TENM2: variants seen among roughly 807,000 people sequenced by gnomAD.
TENM2 encodes the protein teneurin transmembrane protein 2.
A neutral mutation model predicts 245.2 loss-of-function variants in TENM2; 52 were observed. The ratio of observed to expected loss-of-function variants is 0.21; its 90% CI spans 0.17 to 0.27. The LOEUF is 0.27. Ranked by LOEUF, TENM2 falls within the 10% of genes least tolerant of loss-of-function variation. The pLI is 1.00. For synonymous variants in TENM2, 1,363 were observed against 1,438.9 expected, an observed-to-expected ratio of 0.95 and a Z score of 1.19; for missense variants, 3,046 against 3,666.8, an observed-to-expected ratio of 0.83 and a Z score of 4.37.
intron 3 of TENM2, among the ~76,000 whole-genome samples, chr5:167,943,030 A>G (rs1055764688): frequency 6.6e-6 from 1 of 152,218 alleles, no homozygotes; most frequent in Non-Finnish European, 1.5e-5. Context: ...CCATGACATC[A>G]GCTGTTACTT....
chr5:168,253,427 T>A (rs868312216), intron 27 of TENM2, among the ~76,000 whole-genome samples: 9 of 134,868 alleles, frequency 6.7e-5, no homozygotes, highest in African/African-American at 1.6e-4. Flanking sequence ...ATTCATTATT[T>A]TATTTTTTTT....
intron 2 of TENM2, among the ~76,000 whole-genome samples, chr5:167,806,908 C>G (rs1290825193): frequency 6.6e-6 from 1 of 151,738 alleles, no homozygotes; most frequent in Non-Finnish European, 1.5e-5. Context: ...CAGTGTGTGA[C>G]AGTACACACA....
chr5:168,074,842 G>A (rs772976846), intron 7 of TENM2, among the ~76,000 whole-genome samples: 3 of 152,256 alleles, frequency 2.0e-5, no homozygotes, highest in East Asian at 1.9e-4. Context: ...CCTGACAAGC[G>A]AATCTACAAC....
the TENM2 span, among the ~76,000 whole-genome samples, chr5:167,019,087 TCTTTA>T: frequency 6.6e-6 from 1 of 152,208 alleles, no homozygotes; most frequent in African/African-American, 2.4e-5. Flanking sequence ...CTCATTCATC[TCTTTA>T]CTTTGATTTA....
At chr5:167,868,739 A>G (rs1355048447) in intron 2 of TENM2, among the ~76,000 whole-genome samples, 1 of 133,900 alleles carries the variant, frequency 7.5e-6, no homozygotes, top group African/African-American at 3.9e-5. Context: ...TTCTGTCTAA[A>G]AAAAAAAAAA....
the TENM2 span, among the ~76,000 whole-genome samples, chr5:167,231,367 G>A: frequency 0.21 from 31,700 of 152,106 alleles, 3,876 homozygotes; most frequent in African/African-American, 0.34. Flanking sequence ...CAAAATGCTG[G>A]TAGTGATATG....
chr5:167,065,289 G>T, the TENM2 span, among the ~76,000 whole-genome samples: 2 of 152,216 alleles, frequency 1.3e-5, no homozygotes, highest in East Asian at 3.9e-4. Flanking sequence ...TCTATTTAAT[G>T]ATTGTACTTT....
intron 27 of TENM2, among the ~76,000 whole-genome samples, chr5:168,258,400 C>T (rs1464845788): frequency 6.6e-6 from 1 of 152,030 alleles, no homozygotes. Context: ...ACTCGGGAGG[C>T]TGAGGCAAGG....
At chr5:167,973,055 C>T (rs1238941335) in intron 4 of TENM2, among the ~76,000 whole-genome samples, 2 of 152,194 alleles carry the variant, frequency 1.3e-5, no homozygotes, top group African/African-American at 2.4e-5. Context: ...TTCTCCTCAT[C>T]CACCTTGCCT....
chr5:167,873,374 C>A (rs1026010713), intron 2 of TENM2, among the ~76,000 whole-genome samples: 2 of 151,872 alleles, frequency 1.3e-5, no homozygotes, highest in African/African-American at 4.8e-5. Flanking sequence ...CCCTTTTTTT[C>A]TCACCATTCT....
At chr5:167,731,670 G>A (rs1448633847) in intron 2 of TENM2, among the ~76,000 whole-genome samples, 1 of 147,570 alleles carries the variant, frequency 6.8e-6, no homozygotes, top group African/African-American at 2.5e-5. Flanking sequence ...GACTCTGGGT[G>A]GTCACTAAAG....
At chr5:167,187,741 G>T in the TENM2 span, among the ~76,000 whole-genome samples, 1 of 152,070 alleles carries the variant, frequency 6.6e-6, no homozygotes, top group Non-Finnish European at 1.5e-5. Context: ...AGCAGCAGTG[G>T]ATTTCTCATT....
chr5:168,218,529 A>G lies in TENM2; in HGVS notation c.4638A>G (p.Pro1546=). ...CGACTGATGCCATCTTGAATTCCCC[A>G]TCATCCTTAGCTGTAGCTCCAGATG... Residue 1546 remains proline (P), a synonymous_variant, in exon 23 of 29, where the codon CCA becomes CCG. Transcript: ENST00000518659. This position sits in a 1 kb window ranked among gnomAD's most constrained non-coding sequence, Gnocchi z 5.2. 1 of 1,614,010 alleles carries G rather than the reference A, an allele frequency of 6.2e-7. No homozygotes were observed. Among genetic ancestry groups the G allele is most frequent in the South Asian group, 1.1e-5 (1 of 91,084 alleles).
rs545906766 is a variant in TENM2 at position 168,075,450 on chromosome 5, T to C, written c.1515+13185T>C. Among the ~76,000 whole-genome samples the C allele has an allele frequency of 2.0e-5, 3 of 152,250 alleles. No homozygotes were observed. The East Asian group carries it at 5.8e-4, about 29-fold the overall frequency. ...ACTTGGATCCCTAAAATCTGAAAAC[T>C]GTATCCACCTCAGTAAGCACCACCA... is the stretch of plus-strand genomic sequence containing the variant. On this transcript the variant is annotated intron_variant, in intron 7 of 28. Transcript: ENST00000518659.
At chr5:167,622,099 C>T (rs1425246798) in intron 2 of TENM2, among the ~76,000 whole-genome samples, 4 of 152,130 alleles carry the variant, frequency 2.6e-5, no homozygotes, top group Non-Finnish European at 2.9e-5. Flanking sequence ...CAATTTTTTA[C>T]ATACTTGCAA....
chr5:166,982,944 C>A, the TENM2 span, among the ~76,000 whole-genome samples: 1 of 152,008 alleles, frequency 6.6e-6, no homozygotes, highest in Non-Finnish European at 1.5e-5. Context: ...TTGCTGAGAG[C>A]AAATAGCAGT....
chr5:168,227,386 A>ACTT (rs542724297), intron 24 of TENM2, among the ~76,000 whole-genome samples: 1 of 151,992 alleles, frequency 6.6e-6, no homozygotes, highest in African/African-American at 2.4e-5. Context: ...GGGAAGGTTG[A>ACTT]CTTCTTCTCT....
chr5:167,232,722 G>T, the TENM2 span, among the ~76,000 whole-genome samples: 1 of 151,596 alleles, frequency 6.6e-6, no homozygotes, highest in Non-Finnish European at 1.5e-5. Flanking sequence ...CTTCACAGCG[G>T]TGTGAGAACA....
the TENM2 span, among the ~76,000 whole-genome samples, chr5:167,146,973 T>C: frequency 3.3e-5 from 5 of 152,152 alleles, no homozygotes; most frequent in African/African-American, 1.2e-4. Flanking sequence ...GAGGAACACA[T>C]TCGCAGTGAT....
Sources: allele counts gnomAD v4.1 joint callset (sites outside exome capture counted in the v4.1 genomes callset), GRCh38; gene constraint gnomAD v4.1.1; non-coding constraint Gnocchi (gnomAD v3.1); transcripts MANE v1.5; gene names NCBI Gene and HGNC (gene_info 2026-07-23, HGNC 2026-07-21).